The following POLA1 variants were observed in gnomAD, a reference collection of about 807,000 sequenced individuals.
The protein encoded by POLA1 is DNA polymerase alpha 1, catalytic subunit.
Under a neutral mutation model 124.0 loss-of-function variants are expected in POLA1, and 15 were observed. The ratio of observed to expected loss-of-function variants is 0.12; its 90% CI spans 0.08 to 0.19. The LOEUF (loss-of-function observed/expected upper bound fraction) is 0.19. POLA1 is among the 10% of genes least tolerant of loss of function. The pLI, the probability that POLA1 is intolerant of heterozygous loss-of-function variation, is 1.00. For synonymous variants in POLA1, 408 were observed against 389.4 expected (o/e 1.05, Z -0.56); for missense variants, 886 against 1,103.4 (o/e 0.80, Z 2.79).
At chrX:24,930,240 C>G (rs747538343) in intron 35 of POLA1, among the ~76,000 whole-genome samples, 1 of 111,599 alleles carries the variant, frequency 9.0e-6, no homozygotes, top group African/African-American at 3.3e-5. Context: ...AATCTATGAT[C>G]GAAGTGGCAG....
At chrX:24,982,843 G>A (rs1437107934) in intron 36 of POLA1, among the ~76,000 whole-genome samples, 1 of 111,163 alleles carries the variant, frequency 9.0e-6, no homozygotes, top group Non-Finnish European at 1.9e-5. Context: ...GTATTTTGGA[G>A]TGAGCCATAT....
At chrX:24,873,449 GA>G (rs2046893684) in intron 34 of POLA1, among the ~76,000 whole-genome samples, 1 of 111,991 alleles carries the variant, frequency 8.9e-6, no homozygotes, top group African/African-American at 3.2e-5. Flanking sequence ...GTAATAGTAA[GA>G]GACTGAAGAC....
intron 36 of POLA1, among the ~76,000 whole-genome samples, chrX:24,969,079 A>G (rs1186780250): frequency 1.0e-4 from 11 of 109,621 alleles, no homozygotes; most frequent in Non-Finnish European, 2.1e-4. Flanking sequence ...GTGGTGGCAC[A>G]CGCCTGTAGT....
chrX:24,887,362 T>C (rs1377602430), intron 34 of POLA1, among the ~76,000 whole-genome samples: 3 of 112,292 alleles, frequency 2.7e-5, no homozygotes, highest in African/African-American at 9.7e-5. Context: ...AAAATAGTGA[T>C]CAGTTGAAGT....
At chrX:24,764,158 TA>T (rs2148428212) in intron 26 of POLA1, among the ~76,000 whole-genome samples, 1 of 112,114 alleles carries the variant, frequency 8.9e-6, no homozygotes, top group Non-Finnish European at 1.9e-5. Context: ...TTAAATGAGA[TA>T]ATGTGTGTTA....
intron 26 of POLA1, among the ~76,000 whole-genome samples, chrX:24,777,926 G>A (rs1343653917): frequency 8.9e-6 from 1 of 112,387 alleles, no homozygotes; most frequent in African/African-American, 3.2e-5. Context: ...AGGGTGGAAA[G>A]TATACACAGT....
chrX:24,993,453 G>T (rs1453467656), intron 36 of POLA1, among the ~76,000 whole-genome samples: 1 of 112,611 alleles, frequency 8.9e-6, no homozygotes, highest in Non-Finnish European at 1.9e-5. Flanking sequence ...GTTACTGATA[G>T]GCTGACTCTC....
At chrX:24,915,286 A>G (rs1418810411) in intron 35 of POLA1, among the ~76,000 whole-genome samples, 3 of 111,958 alleles carry the variant, frequency 2.7e-5, no homozygotes, top group African/African-American at 9.7e-5. Flanking sequence ...AGGCTTAGCA[A>G]ATTCACATAC....
chrX:24,876,928 G>A (rs915656755), intron 34 of POLA1, among the ~76,000 whole-genome samples: 4 of 111,906 alleles, frequency 3.6e-5, no homozygotes, highest in Admixed American at 2.8e-4. Context: ...TAACAATGTA[G>A]CACAAAAGCC....
At chrX:24,774,011 A>G (rs1222857298) in intron 26 of POLA1, among the ~76,000 whole-genome samples, 3 of 111,715 alleles carry the variant, frequency 2.7e-5, no homozygotes, top group African/African-American at 9.8e-5. Context: ...AAGCTTCCAG[A>G]CCATTACAAG....
chrX:24,712,040 GAT>G, intron 4 of POLA1, among the ~76,000 whole-genome samples: 1 of 112,485 alleles, frequency 8.9e-6, no homozygotes, highest in East Asian at 2.8e-4. Flanking sequence ...TTGCCACTCT[GAT>G]ATGTGAGAAG....
chrX:24,782,447 T>C (rs779948556), intron 26 of POLA1, among the ~76,000 whole-genome samples: 2 of 111,987 alleles, frequency 1.8e-5, no homozygotes, highest in Non-Finnish European at 3.8e-5. Context: ...GTTCACTAAA[T>C]GACAAGCACA....
chrX:24,952,124 A>G (rs2048054509), intron 36 of POLA1, among the ~76,000 whole-genome samples: 1 of 111,961 alleles, frequency 8.9e-6, no homozygotes, highest in African/African-American at 3.2e-5. Flanking sequence ...TTTGTGTACA[A>G]AATGTGGCAA....
chrX:24,917,450 G>T (rs1176433372), intron 35 of POLA1, among the ~76,000 whole-genome samples: 1 of 111,673 alleles, frequency 9.0e-6, no homozygotes, highest in African/African-American at 3.3e-5. Flanking sequence ...TTTTTCTTTG[G>T]TTTTTGAAAT....
At chrX:24,785,837 C>T (rs1320010145) in intron 26 of POLA1, among the ~76,000 whole-genome samples, 1 of 111,592 alleles carries the variant, frequency 9.0e-6, no homozygotes, top group African/African-American at 3.3e-5. Context: ...AAAGTTCATC[C>T]CCTTTGGCCA....
intron 18 of POLA1, among the ~76,000 whole-genome samples, chrX:24,736,347 C>T (rs1378609481): frequency 8.9e-6 from 1 of 111,816 alleles, no homozygotes; most frequent in African/African-American, 3.3e-5. Flanking sequence ...TATTTCAAGA[C>T]CTATCTTTAA....
intron 26 of POLA1, among the ~76,000 whole-genome samples, chrX:24,774,276 C>G (rs183780351): frequency 9.0e-6 from 1 of 111,577 alleles, no homozygotes; most frequent in Non-Finnish European, 1.9e-5. Flanking sequence ...CAGCTTGATT[C>G]AGTTTTACAG....
chrX:24,939,056 C>T (rs915133805), intron 36 of POLA1, among the ~76,000 whole-genome samples: 1 of 112,151 alleles, frequency 8.9e-6, no homozygotes. Context: ...TCTATGATAA[C>T]AGATGTGTTA....
chrX:24,932,279 T>C (rs1432757020), intron 36 of POLA1, among the ~76,000 whole-genome samples: 1 of 112,573 alleles, frequency 8.9e-6, no homozygotes, highest in Admixed American at 9.4e-5. Context: ...CTCTTCCCTA[T>C]ACGGCTCTAA....
Sources: gnomAD v4.1 joint callset for allele counts (sites outside exome capture counted in the v4.1 genomes callset) on GRCh38, gnomAD v4.1.1 for gene constraint, MANE v1.5 for transcripts, NCBI Gene and HGNC (gene_info 2026-07-23, HGNC 2026-07-21) for gene names.